The following TANC2 variants were observed in gnomAD, a reference collection of about 807,000 sequenced individuals.
TANC2 encodes the protein protein TANC2.
Under a neutral mutation model 210.5 loss-of-function variants are expected in TANC2, and 26 were observed. That is an observed-to-expected ratio of 0.12 (90% CI 0.09 to 0.17). The LOEUF is 0.17. Among genes scored for constraint, TANC2 ranks in the 10% least tolerant of loss-of-function variants. The pLI, the probability that TANC2 is intolerant of heterozygous loss-of-function variation, is 1.00. For synonymous variants in TANC2, 931 were observed against 967.1 expected (o/e 0.96, Z 0.69); for missense variants, 2,129 against 2,608.9 (o/e 0.82, Z 4.01).
chr17:63,327,690 C>G (rs1406061410), intron 11 of TANC2, among the ~76,000 whole-genome samples: 1 of 151,872 alleles, frequency 6.6e-6, no homozygotes, highest in Non-Finnish European at 1.5e-5. Flanking sequence ...AGATGCCTAT[C>G]AGTGGTGGCC....
rs183373119 is a variant in TANC2 at position 62,981,547 on chromosome 17, C to T, written c.-24+14798C>T. On this transcript the variant is annotated intron_variant, in intron 1 of 27. Transcript: ENST00000689528. Reference sequence around the variant, plus strand: ...TATCTCATGTCATCTGACTATATTACCTACAACCTCTTATTGTTGTTGACT... The same window carrying T: ...TATCTCATGTCATCTGACTATATTATCTACAACCTCTTATTGTTGTTGACT... Among the ~76,000 whole-genome samples the T allele has an allele frequency of 3.9e-5, 6 of 152,264 alleles. No individual in the cohort carries two copies. The East Asian group carries it at 9.7e-4, about 25-fold the overall frequency.
chr17:63,199,440 G>A (rs1403492970), intron 6 of TANC2, among the ~76,000 whole-genome samples: 1 of 152,140 alleles, frequency 6.6e-6, no homozygotes, highest in East Asian at 1.9e-4. Flanking sequence ...CCAAGACAGT[G>A]AAACCCCGTC....
At chr17:63,027,281 A>G (rs1395072856) in intron 2 of TANC2, among the ~76,000 whole-genome samples, 3 of 152,126 alleles carry the variant, frequency 2.0e-5, no homozygotes, top group Non-Finnish European at 2.9e-5. Context: ...TTATAATTCT[A>G]CATTCATAAA....
chr17:63,049,658 A>G lies in TANC2; in HGVS notation c.68-24285A>G, dbSNP rs2035507268. 2.0e-5 allele frequency among the ~76,000 whole-genome samples: 3 copies of G among 152,208 alleles called. No homozygotes were observed. The South Asian group carries it at 6.2e-4, about 32-fold the overall frequency. ...GATCTAAAGACTTTGACTTTTACTT[A>G]CAATGAGAAACCTTTGGAGGGTTTT... On this transcript the variant is annotated intron_variant, in intron 2 of 27. Coordinates refer to ENST00000689528, the Ensembl canonical transcript of TANC2.
intron 2 of TANC2, among the ~76,000 whole-genome samples, chr17:63,013,613 T>A (rs2033972801): frequency 6.6e-6 from 1 of 152,056 alleles, no homozygotes. Context: ...AATGCATAAA[T>A]TAGCCAGACG....
At chr17:63,056,442 C>T (rs1039902124) in intron 2 of TANC2, among the ~76,000 whole-genome samples, 1 of 152,010 alleles carries the variant, frequency 6.6e-6, no homozygotes, top group East Asian at 1.9e-4. Context: ...CTTTGGGAGG[C>T]CAAGGCAGGA....
chr17:63,030,350 G>GTAA (rs1256672192), intron 2 of TANC2, among the ~76,000 whole-genome samples: 1 of 151,994 alleles, frequency 6.6e-6, no homozygotes. Context: ...ACAATTACAG[G>GTAA]TAAATTAATT....
intron 1 of TANC2, among the ~76,000 whole-genome samples, chr17:62,988,874 A>C (rs1220714704): frequency 6.6e-6 from 1 of 152,216 alleles, no homozygotes; most frequent in Non-Finnish European, 1.5e-5. Context: ...TTAGACACCA[A>C]AAGAAGCAAG....
intron 14 of TANC2, among the ~76,000 whole-genome samples, chr17:63,375,581 TCA>T (rs2047399530): frequency 6.6e-6 from 1 of 152,220 alleles, no homozygotes; most frequent in African/African-American, 2.4e-5. Context: ...GAAGTTCTAG[TCA>T]CAGTGGAACA....
rs2048919894 is a variant in TANC2, at chr17:63,418,095, G to T, written c.4168-212G>T. Among the ~76,000 whole-genome samples, 1 of 152,326 alleles carries T rather than the reference G, an allele frequency of 6.6e-6. No individual in the cohort carries two copies. The highest frequency in any genetic ancestry group is 1.5e-5 in the Non-Finnish European group (1 of 68,018). The stretch of plus-strand genomic sequence containing the variant: ...TATTTTAATATTCTGGGCAGATAAA[G>T]TCCAGTGAGCAGTCGCAGCGCTACA... On this transcript the variant is annotated intron_variant, in intron 26 of 27. Transcript: ENST00000689528. The surrounding 1 kb of genome is among the most constrained non-coding windows in gnomAD (Gnocchi z 4.6).
intron 7 of TANC2, among the ~76,000 whole-genome samples, chr17:63,237,500 C>T (rs1364967707): frequency 6.6e-6 from 1 of 151,944 alleles, no homozygotes; most frequent in Non-Finnish European, 1.5e-5. Context: ...GTTTTTGTTG[C>T]CTGTGCTTTT....
intron 5 of TANC2, among the ~76,000 whole-genome samples, chr17:63,172,193 C>CTTTTT (rs549414417): frequency 8.4e-5 from 11 of 130,978 alleles, no homozygotes; most frequent in South Asian, 7.4e-4. Flanking sequence ...CTTTTCTTTT[C>CTTTTT]TTTTTTTTTT....
At chr17:63,248,526 TATC>T in intron 8 of TANC2, among the ~76,000 whole-genome samples, 1 of 152,220 alleles carries the variant, frequency 6.6e-6, no homozygotes, top group East Asian at 1.9e-4. Flanking sequence ...ATGTGAAAAA[TATC>T]ATTTGAGTAA....
At chr17:63,239,906 G>A (rs1292874867) in intron 8 of TANC2, among the ~76,000 whole-genome samples, 1 of 152,074 alleles carries the variant, frequency 6.6e-6, no homozygotes, top group African/African-American at 2.4e-5. Context: ...CATGACCAAA[G>A]CAGGAGGAAG....
intron 9 of TANC2, among the ~76,000 whole-genome samples, chr17:63,280,262 G>A (rs1183040360): frequency 1.3e-5 from 2 of 151,882 alleles, no homozygotes; most frequent in Admixed American, 6.6e-5. Flanking sequence ...TTACACTCTC[G>A]AATTTCACAG....
chr17:63,243,099 T>C (rs984592016), intron 8 of TANC2, among the ~76,000 whole-genome samples: 6 of 152,206 alleles, frequency 3.9e-5, no homozygotes, highest in Non-Finnish European at 8.8e-5. Flanking sequence ...TTCATATCTT[T>C]TTCCAGCATC....
At chr17:63,192,425 T>G (rs2145738026) in intron 5 of TANC2, among the ~76,000 whole-genome samples, 1 of 152,352 alleles carries the variant, frequency 6.6e-6, no homozygotes, top group East Asian at 1.9e-4. Context: ...TCCATTCGAT[T>G]ACCTTACTTA....
At chr17:63,153,823 A>T (rs978536442) in intron 5 of TANC2, 2 of 151,850 alleles carry the variant, frequency 1.3e-5, no homozygotes, top group Non-Finnish European at 2.9e-5. Flanking sequence ...AGACTTATAT[A>T]TTTTTCTTGG....
chr17:63,224,172 T>C, intron 7 of TANC2, among the ~76,000 whole-genome samples: 1 of 151,868 alleles, frequency 6.6e-6, no homozygotes, highest in East Asian at 1.9e-4. Flanking sequence ...ATCTTGCCAC[T>C]AGAAACATTG....
Sources: gnomAD v4.1 joint callset for allele counts (sites outside exome capture counted in the v4.1 genomes callset) on GRCh38, gnomAD v4.1.1 for gene constraint, Gnocchi (gnomAD v3.1) non-coding constraint, MANE v1.5 for transcripts, NCBI Gene and HGNC (gene_info 2026-07-23, HGNC 2026-07-21) for gene names.